The following KLHDC4 variants were observed in gnomAD, a reference collection of about 807,000 sequenced individuals.
KLHDC4 encodes the protein kelch domain-containing protein 4.
In KLHDC4, 90 loss-of-function variants were observed where a neutral mutation model predicts 62.4. The observed-to-expected ratio is 1.44, with a 90% CI of 1.22 to 1.72. KLHDC4 has a LOEUF of 1.72. Ranked by LOEUF, KLHDC4 falls within the 40% of genes most tolerant of loss-of-function variation. The pLI is 0.00. For synonymous variants in KLHDC4, 386 were observed against 284.4 expected, an observed-to-expected ratio of 1.36 and a Z score of -3.59; for missense variants, 1,025 against 699.7, an observed-to-expected ratio of 1.47 and a Z score of -5.25.
At chr16:87,736,089 C>T (rs1026769486) in intron 5 of KLHDC4, among the ~76,000 whole-genome samples, 4 of 152,182 alleles carry the variant, frequency 2.6e-5, no homozygotes, top group Non-Finnish European at 5.9e-5. Flanking sequence ...TTCTGGGAAA[C>T]AACACATCAT....
chr16:87,757,825 G>C (rs902924805), intron 2 of KLHDC4, among the ~76,000 whole-genome samples: 1 of 152,300 alleles, frequency 6.6e-6, no homozygotes, highest in Admixed American at 6.5e-5. Flanking sequence ...CCGGGAGGCA[G>C]AGGCTGCAGT....
intron 5 of KLHDC4, among the ~76,000 whole-genome samples, chr16:87,736,724 GA>G (rs1025491259): frequency 1.2e-4 from 19 of 152,176 alleles, no homozygotes; most frequent in African/African-American, 4.6e-4. Flanking sequence ...ACTACTCAGA[GA>G]AAAACCACCA....
chr16:87,704,372 GGGGAGGGT>G (rs1210098491), downstream of KLHDC4, among the ~76,000 whole-genome samples: 4 of 138,904 alleles, frequency 2.9e-5, no homozygotes, highest in East Asian at 8.8e-4. Flanking sequence ...GGAGGCGCCT[GGGGAGGGT>G]CCTGAACATG....
chr16:87,745,301 GC>G (rs2042880203), intron 5 of KLHDC4, among the ~76,000 whole-genome samples: 2 of 151,316 alleles, frequency 1.3e-5, no homozygotes, highest in South Asian at 4.2e-4. Flanking sequence ...CCGCCCCGGG[GC>G]CACCTCTTGG....
chr16:87,726,732 A>ACGCCTTGCCTGTTTCCCCACCCCC (rs773704418), intron 7 of KLHDC4, 33 bp downstream of exon 7: 1 of 1,043,646 alleles, frequency 9.6e-7, no homozygotes, highest in African/African-American at 2.4e-5. Context: ...TCCCGGTCCC[A>ACGCCTTGCCTGTTTCCCCACCCCC]CGCCTTGCCT....
intron 4 of KLHDC4, among the ~76,000 whole-genome samples, chr16:87,749,427 A>G (rs2043552399): frequency 6.6e-6 from 1 of 151,834 alleles, no homozygotes; most frequent in African/African-American, 2.4e-5. Flanking sequence ...GGTGGCATGC[A>G]CCTGTAGTCC....
In KLHDC4 at chr16:87,708,653, C is replaced by T. The variant is rs2035138225; in HGVS notation, c.1448-187G>A. On this transcript the variant is annotated intron_variant, in intron 10 of 11. Transcript: ENST00000270583. The stretch of plus-strand genomic sequence containing the variant: ...AAACAGACTGCGTTCCCCTGGGCTT[C>T]AGGACAGAGATCCGAGACGGCAAAC... The T allele has an allele frequency of 2.3e-5, 10 of 433,910 alleles. No homozygotes were observed. The Admixed American group carries it at 3.9e-4, about 17-fold the overall frequency. 26.9% of individuals were successfully genotyped at this position (433,910 alleles called of 1,614,324 possible). A position where few individuals can be genotyped will look rare whatever the true frequency, so the allele number is the denominator to read the frequency against.
At chr16:87,761,906 G>C (rs549669099) in intron 2 of KLHDC4, 43 bp downstream of exon 2, 51 of 1,585,008 alleles carry the variant, frequency 3.2e-5, no homozygotes, top group Non-Finnish European at 4.3e-5. Context: ...TCAATGTATA[G>C]AAGAAAAGGA....
intron 5 of KLHDC4, among the ~76,000 whole-genome samples, chr16:87,735,265 A>G (rs1597617588): frequency 6.7e-6 from 1 of 149,192 alleles, no homozygotes; most frequent in African/African-American, 2.5e-5. Flanking sequence ...GCACCACTGC[A>G]CTCCAGCCTG....
intron 2 of KLHDC4, among the ~76,000 whole-genome samples, chr16:87,756,783 T>C (rs1001503770): frequency 6.6e-6 from 1 of 151,942 alleles, no homozygotes; most frequent in African/African-American, 2.4e-5. Context: ...CCTACTGATG[T>C]ATCAAATGTT....
At chr16:87,752,552 G>A (rs969410787) in intron 4 of KLHDC4, among the ~76,000 whole-genome samples, 1 of 151,974 alleles carries the variant, frequency 6.6e-6, no homozygotes, top group African/African-American at 2.4e-5. Context: ...GGCCAGGATG[G>A]TCTCGATCTC....
intron 2 of KLHDC4, among the ~76,000 whole-genome samples, chr16:87,760,819 G>C (rs572782902): frequency 1.3e-5 from 2 of 152,116 alleles, no homozygotes; most frequent in East Asian, 1.9e-4. Context: ...GATTACCTAA[G>C]GTCAGGAGTT....
chr16:87,724,476 C>T (rs369159811), intron 7 of KLHDC4, among the ~76,000 whole-genome samples: 8 of 152,328 alleles, frequency 5.3e-5, no homozygotes, highest in African/African-American at 1.9e-4. Flanking sequence ...CTGAAAAGAA[C>T]TGGTGTCCAG....
intron 7 of KLHDC4, among the ~76,000 whole-genome samples, chr16:87,719,054 G>T (rs1264334158): frequency 6.6e-6 from 1 of 151,036 alleles, no homozygotes; most frequent in Non-Finnish European, 1.5e-5. Flanking sequence ...GGAGGTGGGG[G>T]GCAGCCCCCG....
rs561116439 is a variant in KLHDC4 at position 87,715,727 on chromosome 16, C to T, written c.760-1154G>A. On this transcript the variant is annotated intron_variant, in intron 7 of 11. Coordinates refer to ENST00000270583, the MANE Select transcript of KLHDC4 (RefSeq NM_017566.4). ...CATCACATCCCATCAAGGGTCCACA[C>T]CATCAACAGGACTCATCACAGTGGA... Among the ~76,000 whole-genome samples, 53 of 152,330 alleles carry T rather than the reference C, an allele frequency of 3.5e-4. 3 individuals carry two copies. Among genetic ancestry groups the T allele is most frequent in the African/African-American group, 1.2e-3 (50 of 41,570 alleles).
chr16:87,754,192 C>G (rs539173850), intron 4 of KLHDC4, among the ~76,000 whole-genome samples: 3 of 151,856 alleles, frequency 2.0e-5, no homozygotes, highest in Non-Finnish European at 4.4e-5. Context: ...CCACCTAATA[C>G]AATCCCAGTC....
chr16:87,698,238 G>A (rs1320681921), exon 1 of KLHDC4: 2 of 152,330 alleles, frequency 1.3e-5, no homozygotes, highest in Non-Finnish European at 2.9e-5. Context: ...GGAGAGGGAG[G>A]GAGGACTGAA....
exon 14 of KLHDC4, chr16:87,702,232 C>A (rs1200936703): frequency 2.2e-6 from 1 of 456,358 alleles, no homozygotes; most frequent in South Asian, 1.5e-5. Flanking sequence ...CCAACTCCTC[C>A]TCCACAGTGG....
chr16:87,761,921 T>C (rs2045952373), intron 2 of KLHDC4, 28 bp downstream of exon 2: 1 of 1,606,508 alleles, frequency 6.2e-7, no homozygotes, highest in South Asian at 1.1e-5. Flanking sequence ...AAAGGAAACA[T>C]ACAATATGAA....
Sources: gnomAD v4.1 joint callset for allele counts (sites outside exome capture counted in the v4.1 genomes callset) on GRCh38, gnomAD v4.1.1 for gene constraint, MANE v1.5 for transcripts, NCBI Gene and HGNC (gene_info 2026-07-23, HGNC 2026-07-21) for gene names.